The following LZTFL1 variants were observed in gnomAD, a reference collection of about 807,000 sequenced individuals.
LZTFL1 encodes the protein leucine zipper transcription factor like 1, also known as leucine zipper transcription factor-like protein 1.
LZTFL1 carries 25 observed loss-of-function variants against 45.9 expected under a neutral mutation model. The ratio of observed to expected loss-of-function variants is 0.54; its 90% CI spans 0.40 to 0.76. LZTFL1 has a LOEUF of 0.76. Ranked by LOEUF, LZTFL1 falls within the 30% of genes least tolerant of loss-of-function variation. The probability of loss-of-function intolerance (pLI) is 0.00; values close to 1 mark genes in which losing one functional copy is unlikely to be tolerated. For missense variants in LZTFL1, 277 were observed against 331.1 expected (o/e 0.84, Z 1.27); for synonymous variants, 93 against 117.4 (o/e 0.79, Z 1.35).
Position 45,901,541 on chromosome 3 carries a change from A to T in LZTFL1, c.-215+11579T>A. 1 of 1,614,152 alleles carries T rather than the reference A, an allele frequency of 6.2e-7. No homozygotes were observed. The highest frequency in any genetic ancestry group is 8.5e-7 in the Non-Finnish European group (1 of 1,180,028). On this transcript the variant is annotated intron_variant, in intron 2 of 4. Transcript: ENST00000472635. This position sits in a 1 kb window ranked among gnomAD's most constrained non-coding sequence, Gnocchi z 4.3. ...AAGCCAAGAAGTCTTCCAAGCACAAAGCCCTAAAAGTGACCATCACTGTCC... is the reference window on the plus strand; with the variant it reads ...AAGCCAAGAAGTCTTCCAAGCACAATGCCCTAAAAGTGACCATCACTGTCC...
upstream of LZTFL1, among the ~76,000 whole-genome samples, chr3:45,845,129 C>G (rs1020134330): frequency 6.6e-6 from 1 of 152,180 alleles, no homozygotes; most frequent in Non-Finnish European, 1.5e-5. Context: ...ACCAGCTCCT[C>G]TTTCCATACT....
intron 2 of LZTFL1, among the ~76,000 whole-genome samples, chr3:45,867,505 G>T (rs772659298): frequency 3.3e-5 from 5 of 152,058 alleles, no homozygotes; most frequent in Non-Finnish European, 5.9e-5. Flanking sequence ...GAATTAAAAG[G>T]CAAGGCTGGA....
upstream of LZTFL1, among the ~76,000 whole-genome samples, chr3:45,844,230 G>C (rs1295052602): frequency 6.6e-6 from 1 of 152,170 alleles, no homozygotes; most frequent in Non-Finnish European, 1.5e-5. Context: ...GATGCCAACA[G>C]ATTCACTCAT....
chr3:45,890,837 C>A (rs1437173821), intron 2 of LZTFL1, among the ~76,000 whole-genome samples: 2 of 152,234 alleles, frequency 1.3e-5, no homozygotes, highest in African/African-American at 4.8e-5. Context: ...TGGGGCACAG[C>A]CCCTGTCGGA....
rs565336873 is a variant in LZTFL1 at position 45,904,946 on chromosome 3, T to C, written c.-215+8174A>G. On this transcript the variant is annotated intron_variant, in intron 2 of 4. Transcript: ENST00000472635. ...CCTGGCTCCAGTGCCCACAGATCTC[T>C]GTCCCTCACTGAAGTTGGCCACTCC... Among the ~76,000 whole-genome samples, 248 of 152,276 alleles carry C rather than the reference T, an allele frequency of 1.6e-3. 4 individuals are homozygous for C. Among genetic ancestry groups the C allele is most frequent in the Non-Finnish European group, 3.0e-3 (206 of 68,002 alleles).
In LZTFL1 at chr3:45,838,015, C is replaced by G; in HGVS notation, c.40G>C (p.Val14Leu). The G allele has an allele frequency of 1.2e-6, 2 of 1,611,802 alleles. No homozygotes were observed. Among genetic ancestry groups the G allele is most frequent in the Non-Finnish European group, 1.7e-6 (2 of 1,179,398 alleles). Residue 14 changes from valine to leucine, a missense_variant, in exon 2 of 10, where the codon GTT (valine) becomes CTT (leucine). Transcript: ENST00000296135. ...CGAGCAAAACGCATATAATTAATAA[C>G]TTCATTTTGATGGTGCTCATTTAGG... ...LGLNEHHQNE[V>L]INYMRFARSK...
Position 45,882,300 on chromosome 3 carries a change from C to T in LZTFL1, c.-214-23284G>A, listed in dbSNP as rs182882210. 7.4e-4 allele frequency among the ~76,000 whole-genome samples: 113 copies of T among 152,290 alleles called. 1 individual carries two copies. Among genetic ancestry groups the T allele is most frequent in the African/African-American group, 2.6e-3 (110 of 41,554 alleles). The stretch of plus-strand genomic sequence containing the variant: ...AATTTGGACCTAGGACTCTTTTTAC[C>T]TGCACTGATCATAATGTCACCACCA... On this transcript the variant is annotated intron_variant, in intron 2 of 4. Coordinates refer to the LZTFL1 transcript ENST00000472635.
intron 2 of LZTFL1, among the ~76,000 whole-genome samples, chr3:45,908,508 A>G (rs1282709063): frequency 6.6e-6 from 1 of 152,130 alleles, no homozygotes; most frequent in East Asian, 1.9e-4. Flanking sequence ...TCAGTACAGG[A>G]AGCTAGAGAG....
chr3:45,832,887 A>C (rs893689901), intron 5 of LZTFL1, 163 bp downstream of exon 5: 1 of 579,734 alleles, frequency 1.7e-6, no homozygotes. Flanking sequence ...TAGAAGGTTA[A>C]GTATGCCCTC....
At chr3:45,854,939 A>T in intron 4 of LZTFL1, 1 of 1,358,506 alleles carries the variant, frequency 7.4e-7, no homozygotes. Context: ...AGGAACAACC[A>T]CCACCAAAAC....
At chr3:45,854,953 A>G in intron 4 of LZTFL1, 1 of 1,441,370 alleles carries the variant, frequency 6.9e-7, no homozygotes. Context: ...CCAAAACATA[A>G]TTATAATATG....
At chr3:45,861,625 T>C (rs1440983919) in intron 2 of LZTFL1, among the ~76,000 whole-genome samples, 1 of 152,196 alleles carries the variant, frequency 6.6e-6, no homozygotes, top group African/African-American at 2.4e-5. Context: ...TGCCTCTCTG[T>C]GCATGTGTGT....
intron 4 of LZTFL1, among the ~76,000 whole-genome samples, chr3:45,851,620 A>AT (rs1327136495): frequency 2.6e-5 from 4 of 152,142 alleles, no homozygotes; most frequent in Non-Finnish European, 5.9e-5. Flanking sequence ...TTGTGCAATC[A>AT]TTTAACTATG....
intron 2 of LZTFL1, among the ~76,000 whole-genome samples, chr3:45,878,763 A>G (rs560799122): frequency 6.6e-6 from 1 of 152,266 alleles, no homozygotes; most frequent in African/African-American, 2.4e-5. Context: ...AACCCAATTA[A>G]AAAACAGGCA....
At chr3:45,899,213 G>A (rs1175774300) in intron 2 of LZTFL1, among the ~76,000 whole-genome samples, 1 of 152,214 alleles carries the variant, frequency 6.6e-6, no homozygotes, top group African/African-American at 2.4e-5. Context: ...GGACTTTTCA[G>A]ATCCTTCAAT....
chr3:45,847,492 C>A (rs937820787), intron 4 of LZTFL1, among the ~76,000 whole-genome samples: 1 of 152,202 alleles, frequency 6.6e-6, no homozygotes, highest in Non-Finnish European at 1.5e-5. Flanking sequence ...GCAAGTAGAC[C>A]ACTTCAACAC....
chr3:45,890,256 G>GAAATATATATATATATTTATAT (rs1402612474), intron 2 of LZTFL1, among the ~76,000 whole-genome samples: 18,235 of 20,878 alleles, frequency 0.87, 8,437 homozygotes, highest in Middle Eastern at 0.97. Context: ...CTGGGTATTA[G>GAAATATATATATATATTTATAT]AAATATATAT....
chr3:45,898,442 A>G (rs1004687761), intron 2 of LZTFL1, among the ~76,000 whole-genome samples: 2 of 152,262 alleles, frequency 1.3e-5, no homozygotes, highest in Non-Finnish European at 2.9e-5. Flanking sequence ...TAATCAAGCC[A>G]AGGGACTAAT....
At chr3:45,915,591 C>T (rs1160336407) in exon 1 of LZTFL1, 2 of 446,144 alleles carry the variant, frequency 4.5e-6, no homozygotes, top group African/African-American at 4.0e-5. Flanking sequence ...GAAACAAGGA[C>T]TTCCTTTTGG....
Sources: gnomAD v4.1 joint callset for allele counts (sites outside exome capture counted in the v4.1 genomes callset) on GRCh38, gnomAD v4.1.1 for gene constraint, Gnocchi (gnomAD v3.1) non-coding constraint, MANE v1.5 for transcripts, NCBI Gene and HGNC (gene_info 2026-07-23, HGNC 2026-07-21) for gene names.